Variants in XKR4 observed in about 807,000 individuals in gnomAD.
The protein encoded by XKR4 is XK related 4.
A neutral mutation model predicts 53.9 loss-of-function variants in XKR4; 12 were observed. That is an observed-to-expected ratio of 0.22 (90% CI 0.14 to 0.36). The LOEUF is 0.36. Among genes scored for constraint, XKR4 ranks in the 10% least tolerant of loss-of-function variants. XKR4 has a pLI of 1.00. For missense variants in XKR4, 799 were observed against 859.5 expected, an observed-to-expected ratio of 0.93 and a Z score of 0.88; for synonymous variants, 354 against 362.4, an observed-to-expected ratio of 0.98 and a Z score of 0.26.
At chr8:55,106,313 T>C (rs1816146042) in intron 1 of XKR4, among the ~76,000 whole-genome samples, 1 of 152,192 alleles carries the variant, frequency 6.6e-6, no homozygotes, top group African/African-American at 2.4e-5. Context: ...TATGTTACAA[T>C]GCAACTGCTA....
chr8:55,511,779 A>G (rs1806629090), intron 2 of XKR4, among the ~76,000 whole-genome samples: 1 of 152,240 alleles, frequency 6.6e-6, no homozygotes, highest in African/African-American at 2.4e-5. Context: ...ATTTTTGAAA[A>G]TATTATCCTG....
chr8:55,195,217 G>T (rs145067814), intron 1 of XKR4, among the ~76,000 whole-genome samples: 1,222 of 100,522 alleles, frequency 0.012, 163 homozygotes, highest in African/African-American at 0.037. Flanking sequence ...TTTACCATCA[G>T]ATTTTACTAT....
At chr8:55,455,667 C>T (rs977823968) in intron 2 of XKR4, among the ~76,000 whole-genome samples, 1 of 152,172 alleles carries the variant, frequency 6.6e-6, no homozygotes, top group Non-Finnish European at 1.5e-5. Flanking sequence ...GATACAACCA[C>T]AGTAGGATTA....
chr8:55,201,712 G>C (rs537113827), intron 1 of XKR4, among the ~76,000 whole-genome samples: 2 of 152,196 alleles, frequency 1.3e-5, no homozygotes, highest in Non-Finnish European at 2.9e-5. Flanking sequence ...AGTGTTCTGT[G>C]TGAAGTGAGG....
At chr8:55,327,061 C>T (rs774570982) in intron 1 of XKR4, among the ~76,000 whole-genome samples, 2 of 152,182 alleles carry the variant, frequency 1.3e-5, no homozygotes, top group Middle Eastern at 6.8e-3. Context: ...CACTTAAGAT[C>T]GTTGCAAGGC....
At chr8:55,450,657 T>C in intron 2 of XKR4, 1 of 605,708 alleles carries the variant, frequency 1.7e-6, no homozygotes, top group Non-Finnish European at 3.1e-6. Context: ...AGGAAGATAG[T>C]GTGAAGCCGC....
chr8:55,385,838 T>C (rs1448781341), intron 2 of XKR4, among the ~76,000 whole-genome samples: 1 of 152,222 alleles, frequency 6.6e-6, no homozygotes, highest in Non-Finnish European at 1.5e-5. Context: ...CATTCCATTA[T>C]ACCAACAAAA....
intron 1 of XKR4, among the ~76,000 whole-genome samples, chr8:55,276,625 T>A (rs192702780): frequency 6.6e-6 from 1 of 152,354 alleles, no homozygotes; most frequent in African/African-American, 2.4e-5. Context: ...AACCCCACAA[T>A]TTCTGAGAAT....
intron 1 of XKR4, among the ~76,000 whole-genome samples, chr8:55,288,638 T>C (rs534247680): frequency 5.9e-5 from 9 of 152,376 alleles, no homozygotes. Context: ...TTATCTATTG[T>C]ATTTTTAATA....
At chr8:55,312,197 T>A (rs1457879835) in intron 1 of XKR4, among the ~76,000 whole-genome samples, 2 of 149,392 alleles carry the variant, frequency 1.3e-5, no homozygotes, top group African/African-American at 2.5e-5. Context: ...TTTTTTTTTT[T>A]AATGAGAAAA....
chr8:55,436,429 T>A (rs1450978600), intron 2 of XKR4, among the ~76,000 whole-genome samples: 1 of 152,230 alleles, frequency 6.6e-6, no homozygotes, highest in Admixed American at 6.5e-5. Flanking sequence ...CAGATGCCTA[T>A]ATTTACCTCA....
chr8:55,374,817 G>A (rs183036343), intron 2 of XKR4, among the ~76,000 whole-genome samples: 11 of 152,350 alleles, frequency 7.2e-5, no homozygotes, highest in Middle Eastern at 3.4e-3. Context: ...AGAGGGCATC[G>A]TGGTAGCAAG....
chr8:55,373,301 G>A (rs930748500), intron 2 of XKR4, among the ~76,000 whole-genome samples: 11 of 152,056 alleles, frequency 7.2e-5, no homozygotes, highest in Non-Finnish European at 1.2e-4. Context: ...TGAGTAGCTG[G>A]GATTACAGGC....
chr8:55,495,409 C>A (rs531481000), intron 2 of XKR4, among the ~76,000 whole-genome samples: 3 of 152,338 alleles, frequency 2.0e-5, no homozygotes, highest in East Asian at 3.9e-4. Context: ...CTTGTCCCAG[C>A]TCCTGCTGGC....
chr8:55,176,401 TCC>T (rs1343140729), intron 1 of XKR4, among the ~76,000 whole-genome samples: 1 of 152,180 alleles, frequency 6.6e-6, no homozygotes, highest in Non-Finnish European at 1.5e-5. Flanking sequence ...GGTAGAGTGC[TCC>T]ACTCCATTGT....
At position 55,533,156 on chromosome 8, in the gene XKR4, A is replaced by G. The variant is rs1411366404; in HGVS notation, c.*8929A>G. 1 of 152,240 alleles carries G rather than the reference A, an allele frequency of 6.6e-6. No homozygotes were observed. Among genetic ancestry groups the G allele is most frequent in the Non-Finnish European group, 1.5e-5 (1 of 68,050 alleles). 9.4% of individuals were successfully genotyped at this position (152,240 alleles called of 1,614,324 possible). On this transcript the variant is annotated 3_prime_UTR_variant, in exon 3 of 3. Coordinates refer to ENST00000327381, the MANE Select transcript of XKR4 (RefSeq NM_052898.2). Reference sequence around the variant, plus strand: ...TCCTATTTTGATCGCACACCAGTAGAACGCATCTTAACACCAGCATTGCCA... The same window carrying G: ...TCCTATTTTGATCGCACACCAGTAGGACGCATCTTAACACCAGCATTGCCA...
At position 55,533,110 on chromosome 8, in the gene XKR4, T is replaced by C. The variant is rs1213267528; in HGVS notation, c.*8883T>C. The C allele has an allele frequency of 6.6e-6, 1 of 152,200 alleles. No homozygotes were observed. The highest frequency in any genetic ancestry group is 1.5e-5 in the Non-Finnish European group (1 of 68,036). 9.4% of individuals were successfully genotyped at this position (152,200 alleles called of 1,614,324 possible). A position where few individuals can be genotyped will look rare whatever the true frequency, so the allele number is the denominator to read the frequency against. On this transcript the variant is annotated 3_prime_UTR_variant, in exon 3 of 3. Transcript: ENST00000327381. ...AATGTGTTGAAAATATAGTTTGAGT[T>C]TCTATGATTGTAATCAAAATTCCTA...
At chr8:55,304,130 G>A (rs2129377295) in intron 1 of XKR4, among the ~76,000 whole-genome samples, 1 of 152,172 alleles carries the variant, frequency 6.6e-6, no homozygotes, top group South Asian at 2.1e-4. Context: ...TCTCTTGTGG[G>A]CATTTAGTGC....
intron 1 of XKR4, among the ~76,000 whole-genome samples, chr8:55,162,203 G>A (rs1031508765): frequency 1.3e-5 from 2 of 152,142 alleles, no homozygotes; most frequent in African/African-American, 2.4e-5. Context: ...ACAGTCTACT[G>A]TGGTCCCTAG....
Sources: gnomAD v4.1 joint callset for allele counts (sites outside exome capture counted in the v4.1 genomes callset) on GRCh38, gnomAD v4.1.1 for gene constraint, MANE v1.5 for transcripts, NCBI Gene and HGNC (gene_info 2026-07-23, HGNC 2026-07-21) for gene names.